RHOBTB2: variants seen among roughly 807,000 people sequenced by gnomAD.
The protein encoded by RHOBTB2 is Rho related BTB domain containing 2.
A neutral mutation model predicts 66.5 loss-of-function variants in RHOBTB2; 39 were observed. The ratio of observed to expected loss-of-function variants is 0.59; its 90% CI spans 0.45 to 0.77. RHOBTB2 has a LOEUF of 0.77. RHOBTB2 is among the 30% of genes least tolerant of loss of function. The pLI is 0.00. For missense variants in RHOBTB2, 755 were observed against 999.1 expected, an observed-to-expected ratio of 0.76 and a Z score of 3.29; for synonymous variants, 390 against 395.0, an observed-to-expected ratio of 0.99 and a Z score of 0.15.
At position 22,999,789 on chromosome 8, in the gene RHOBTB2, C is replaced by G. The variant is rs972574876; in HGVS notation, c.-327C>G. 6 of 984,092 alleles carry G rather than the reference C, an allele frequency of 6.1e-6. No homozygotes were observed. In the African/African-American group the frequency reaches 1.1e-4, roughly 17 times the overall value. 61.0% of individuals were successfully genotyped at this position (984,092 alleles called of 1,614,324 possible). A position where few individuals can be genotyped will look rare whatever the true frequency, so the allele number is the denominator to read the frequency against. On this transcript the variant is annotated 5_prime_UTR_variant, in exon 1 of 10. Coordinates refer to ENST00000251822, the MANE Select transcript of RHOBTB2 (RefSeq NM_015178.3). ...GGCGCCCCTGCGCGCCGCCCGCTGC[C>G]TCCGCAGCCCGGCTCCGCGCGCCGC...
At chr8:22,997,517 C>A (rs575827268), upstream of RHOBTB2, among the ~76,000 whole-genome samples, 16 of 152,254 alleles carry the variant, frequency 1.1e-4, no homozygotes, top group South Asian at 2.1e-4. Flanking sequence ...CCCTTCCACC[C>A]CAATCAACAC....
Position 23,017,501 on chromosome 8 carries a change from G to A in RHOBTB2, c.*32G>A, listed in dbSNP as rs771942741. 1.2e-4 allele frequency: 192 copies of A among 1,555,564 alleles called. No individual in the cohort carries two copies. Among genetic ancestry groups the A allele is most frequent in the Non-Finnish European group, 1.7e-4 (190 of 1,149,776 alleles). ...GCCACCCTCTTCTGACCCTGCTGCT[G>A]TTGTCCCCATCCGCCTTCACCCCTC... On this transcript the variant is annotated 3_prime_UTR_variant, in exon 10 of 10. Coordinates refer to ENST00000251822, the MANE Select transcript of RHOBTB2 (RefSeq NM_015178.3). This position sits in a 1 kb window ranked among gnomAD's most constrained non-coding sequence, Gnocchi z 5.3.
At chr8:23,013,079 G>A (rs1015814123) in intron 7 of RHOBTB2, among the ~76,000 whole-genome samples, 6 of 151,872 alleles carry the variant, frequency 4.0e-5, no homozygotes, top group South Asian at 4.1e-4. Context: ...GATTACAGGC[G>A]TGAGCCACCA....
chr8:23,004,309 C>T lies in RHOBTB2; in HGVS notation c.-10-116C>T, dbSNP rs766618055. 5.8e-6 allele frequency: 5 copies of T among 859,312 alleles called. No individual in the cohort carries two copies. Among genetic ancestry groups the T allele is most frequent in the Non-Finnish European group, 9.5e-6 (5 of 529,030 alleles). 53.2% of individuals were successfully genotyped at this position (859,312 alleles called of 1,614,324 possible). ...GTTGCCCACTCCTTCCTCCTCCTGTCAGCTCCGGGGCTTGCAGAGGGGGCA... is the reference window on the plus strand; with the variant it reads ...GTTGCCCACTCCTTCCTCCTCCTGTTAGCTCCGGGGCTTGCAGAGGGGGCA... On this transcript the variant is annotated intron_variant, in intron 1 of 9. Coordinates refer to ENST00000251822, the MANE Select transcript of RHOBTB2 (RefSeq NM_015178.3). This position sits in a 1 kb window ranked among gnomAD's most constrained non-coding sequence, Gnocchi z 6.4.
chr8:23,007,877 C>A, intron 5 of RHOBTB2, 116 bp from the exon 6 acceptor site: 2 of 1,480,132 alleles, frequency 1.4e-6, no homozygotes, highest in Non-Finnish European at 1.9e-6. Flanking sequence ...CAGCTGGGAG[C>A]GGGTTTGTTC....
chr8:23,008,132 G>T (rs73559727), intron 6 of RHOBTB2, 21 bp downstream of exon 6: 145 of 1,518,028 alleles, frequency 9.6e-5, no homozygotes, highest in Non-Finnish European at 1.1e-4. Context: ...GGACACAAAG[G>T]GGGGAAGGAG....
chr8:22,987,544 C>T (rs1810312234), exon 1 of RHOBTB2: 1 of 152,382 alleles, frequency 6.6e-6, no homozygotes, highest in Non-Finnish European at 1.5e-5. Flanking sequence ...GCCAGCAGAG[C>T]CCCAGAGGCG....
the RHOBTB2 span, among the ~76,000 whole-genome samples, chr8:22,951,267 T>TTTTTTA: frequency 7.3e-6 from 1 of 137,424 alleles, no homozygotes; most frequent in Admixed American, 7.3e-5. Context: ...TTTTTTTTTT[T>TTTTTTA]TTGAAATGGA....
chr8:23,015,083 G>A (rs1041130556), intron 8 of RHOBTB2, among the ~76,000 whole-genome samples: 1 of 152,224 alleles, frequency 6.6e-6, no homozygotes, highest in East Asian at 1.9e-4. Context: ...TCATTTAAGG[G>A]GCACTGAGGA....
chr8:22,972,064 T>C, the RHOBTB2 span, among the ~76,000 whole-genome samples: 2 of 152,202 alleles, frequency 1.3e-5, no homozygotes, highest in African/African-American at 2.4e-5. Flanking sequence ...TCAGTTTCAA[T>C]GGACCACCTT....
chr8:22,990,628 T>G (rs576439839), intron 1 of RHOBTB2, among the ~76,000 whole-genome samples: 1 of 152,144 alleles, frequency 6.6e-6, no homozygotes, highest in Admixed American at 6.5e-5. Context: ...AGAGGGTGGG[T>G]TGGGAGGAAG....
the RHOBTB2 span, chr8:22,978,017 G>A: frequency 2.6e-5 from 4 of 152,066 alleles, no homozygotes; most frequent in African/African-American, 9.7e-5. Flanking sequence ...GGGAATGAGG[G>A]ACCACCAGGT....
At chr8:22,986,986 G>A (rs1460058587), upstream of RHOBTB2, among the ~76,000 whole-genome samples, 8 of 152,234 alleles carry the variant, frequency 5.3e-5, no homozygotes, top group South Asian at 4.1e-4. Context: ...TTGCTTCTTC[G>A]TGGCCTTCCC....
chr8:22,974,634 A>T, the RHOBTB2 span, among the ~76,000 whole-genome samples: 44 of 152,228 alleles, frequency 2.9e-4, no homozygotes, highest in Non-Finnish European at 5.3e-4. Context: ...CTATAAGGCC[A>T]GGCCAGGTTG....
chr8:22,975,864 G>A, the RHOBTB2 span, among the ~76,000 whole-genome samples: 2 of 151,966 alleles, frequency 1.3e-5, no homozygotes, highest in East Asian at 3.9e-4. Flanking sequence ...AAGACCACTG[G>A]GGGCCAGGTG....
chr8:22,999,774 C>A lies in RHOBTB2; in HGVS notation c.-342C>A. ...CCTCGCCCCTCTCCCGGCGCCCCTGCGCGCCGCCCGCTGCCTCCGCAGCCC... is the reference window on the plus strand; with the variant it reads ...CCTCGCCCCTCTCCCGGCGCCCCTGAGCGCCGCCCGCTGCCTCCGCAGCCC... On this transcript the variant is annotated 5_prime_UTR_variant, in exon 1 of 10. It introduces an in-frame stop codon into an upstream open reading frame of the 5' UTR. Coordinates refer to ENST00000251822, the MANE Select transcript of RHOBTB2 (RefSeq NM_015178.3). 3 of 985,914 alleles carry A rather than the reference C, an allele frequency of 3.0e-6. No individual in the cohort carries two copies. The highest frequency in any genetic ancestry group is 1.8e-5 in the African/African-American group (1 of 57,038). The allele number at this position is 985,914 out of a possible 1,614,324, so 61.1% of individuals were successfully genotyped here. A position where few individuals can be genotyped will look rare whatever the true frequency, so the allele number is the denominator to read the frequency against.
intron 1 of RHOBTB2, among the ~76,000 whole-genome samples, chr8:23,001,395 TC>T (rs553261779): frequency 6.6e-6 from 1 of 152,058 alleles, no homozygotes; most frequent in Non-Finnish European, 1.5e-5. Flanking sequence ...TCACCATACA[TC>T]AGCAATGATA....
the RHOBTB2 span, among the ~76,000 whole-genome samples, chr8:22,964,100 GTTTT>G: frequency 4.2e-4 from 63 of 151,740 alleles, no homozygotes; most frequent in Non-Finnish European, 7.2e-4. Context: ...TTTTGTTTTT[GTTTT>G]TTGTTTTGTT....
In RHOBTB2 at chr8:23,006,878, C is replaced by T; in HGVS notation, c.633C>T (p.Arg211=). 6.2e-7 allele frequency: 1 copy of T among 1,614,132 alleles called. No homozygotes were observed. Among genetic ancestry groups the T allele is most frequent in the Non-Finnish European group, 8.5e-7 (1 of 1,180,028 alleles). ...CCATCCGAGCTGCACTCATCTCCCG[C>T]CGCCACCTGCAGTTCTGGAAGTCCC... The part of the protein sequence containing the change: ...DNAIRAALIS[R]RHLQFWKSHL... Residue 211 remains arginine, a synonymous_variant, in exon 5 of 10, where the codon CGC becomes CGT. Coordinates refer to ENST00000251822, the MANE Select transcript of RHOBTB2 (RefSeq NM_015178.3). The surrounding 1 kb of genome is among the most constrained non-coding windows in gnomAD (Gnocchi z 6.1).
Sources: allele counts gnomAD v4.1 joint callset (sites outside exome capture counted in the v4.1 genomes callset), GRCh38; gene constraint gnomAD v4.1.1; non-coding constraint Gnocchi (gnomAD v3.1); transcripts MANE v1.5; gene names NCBI Gene and HGNC (gene_info 2026-07-23, HGNC 2026-07-21).